The following CRIP2 variants were observed in gnomAD, a reference collection of about 807,000 sequenced individuals.
CRIP2 encodes cysteine-rich protein 2.
In CRIP2, 31 loss-of-function variants were observed where a neutral mutation model predicts 31.3. The ratio of observed to expected loss-of-function variants is 0.99; its 90% CI spans 0.74 to 1.34. CRIP2 has a LOEUF of 1.34. CRIP2 is among the 40% of genes most tolerant of loss of function. The pLI is 0.00. For synonymous variants in CRIP2, 177 were observed against 127.2 expected (o/e 1.39, Z -2.63); for missense variants, 389 against 301.6 (o/e 1.29, Z -2.15).
Position 105,478,971 on chromosome 14 carries a change from C to A in CRIP2, c.338-8C>A, listed in dbSNP as rs1471139170. On this transcript the variant is annotated splice_region_variant and splice_polypyrimidine_tract_variant and intron_variant, in intron 4 of 7. Transcript: ENST00000329146. The surrounding 1 kb of genome is among the most constrained non-coding windows in gnomAD (Gnocchi z 4.9). ...GCCCCGCCCCGCCCTGACTCGTGCG[C>A]CCCACAGCCTCCAGTGTCACCACTT... is the stretch of plus-strand genomic sequence containing the variant. 4 of 1,562,042 alleles carry A rather than the reference C, an allele frequency of 2.6e-6. No individual in the cohort carries two copies. The African/African-American group carries it at 5.4e-5, about 21-fold the overall frequency.
chr14:105,478,724 C>A lies in CRIP2; in HGVS notation c.197-7C>A, dbSNP rs587674062. 4,637 of 1,434,226 alleles carry A rather than the reference C, an allele frequency of 3.2e-3. 18 individuals are homozygous for A. Among genetic ancestry groups the A allele is most frequent in the Non-Finnish European group, 3.3e-3 (3,642 of 1,098,574 alleles). The allele number at this position is 1,434,226 out of a possible 1,614,324, so 88.8% of individuals were successfully genotyped here. On this transcript the variant is annotated splice_region_variant and splice_polypyrimidine_tract_variant and intron_variant, in intron 3 of 7. Coordinates refer to ENST00000329146, the MANE Select transcript of CRIP2 (RefSeq NM_001312.4). The surrounding 1 kb of genome is among the most constrained non-coding windows in gnomAD (Gnocchi z 4.9). ...CGTACCCCCGCCCCACGTACCCCCA[C>A]CCGCAGGCGTGAACATCGGGGGCGC...
chr14:105,473,419 A>T (rs2083875083), upstream of CRIP2: 1 of 1,535,688 alleles, frequency 6.5e-7, no homozygotes, highest in African/African-American at 1.4e-5. Flanking sequence ...GTGCTGCCAC[A>T]GAGAGCCCAG....
upstream of CRIP2, chr14:105,473,015 C>T (rs1372688365): frequency 3.3e-6 from 2 of 606,728 alleles, no homozygotes; most frequent in Non-Finnish European, 5.8e-6. Context: ...TGTGTTCAGC[C>T]AGCCCTGTCC....
chr14:105,474,997 G>A lies in CRIP2; in HGVS notation c.43+92G>A, dbSNP rs587652277. The A allele has an allele frequency of 1.2e-5, 16 of 1,303,084 alleles. No homozygotes were observed. In the African/African-American group the frequency reaches 1.4e-4, roughly 11 times the overall value. 80.7% of individuals were successfully genotyped at this position (1,303,084 alleles called of 1,614,324 possible). ...GCAGAGCCGCGGCGTAACTCGGGGT[G>A]CGCCCGGCCCCGGCCCCGGACCGAG... On this transcript the variant is annotated intron_variant, in intron 1 of 7. Transcript: ENST00000329146. This position sits in a 1 kb window ranked among gnomAD's most constrained non-coding sequence, Gnocchi z 5.1.
At chr14:105,474,707 C>T, upstream of CRIP2, 1 of 973,500 alleles carries the variant, frequency 1.0e-6, no homozygotes, top group Non-Finnish European at 1.2e-6. The surrounding 1 kb of genome is among the most constrained non-coding windows in gnomAD (Gnocchi z 5.1). Context: ...GCGGCGCCCC[C>T]AGGCGGCCCC....
intron 7 of CRIP2, 34 bp downstream of exon 7, chr14:105,479,527 C>T: frequency 1.2e-6 from 2 of 1,612,762 alleles, no homozygotes; most frequent in African/African-American, 1.3e-5. Context: ...CGATGTCTTC[C>T]CTGCCCTCCC....
In CRIP2 at chr14:105,474,953, T is replaced by C; in HGVS notation, c.43+48T>C. 6.8e-7 allele frequency: 1 copy of C among 1,460,772 alleles called. No homozygotes were observed. The highest frequency in any genetic ancestry group is 9.1e-7 in the Non-Finnish European group (1 of 1,101,726). 90.5% of individuals were successfully genotyped at this position (1,460,772 alleles called of 1,614,324 possible). ...CCCGCTCGGTGCATCCCGCCGCCCT[T>C]CGCGGCCAGTCCCGCGCCGCAGAGC... On this transcript the variant is annotated intron_variant, in intron 1 of 7. Coordinates refer to ENST00000329146, the MANE Select transcript of CRIP2 (RefSeq NM_001312.4). The surrounding 1 kb of genome is among the most constrained non-coding windows in gnomAD (Gnocchi z 5.1).
intron 1 of CRIP2, chr14:105,477,240 G>C: frequency 1.0e-6 from 1 of 984,228 alleles, no homozygotes; most frequent in Non-Finnish European, 1.2e-6. Flanking sequence ...CCATCCACTG[G>C]GAAGCAGTCC....
chr14:105,476,826 G>C, intron 1 of CRIP2: 1 of 953,794 alleles, frequency 1.0e-6, no homozygotes, highest in Non-Finnish European at 1.2e-6. Flanking sequence ...TGGTGTCCTG[G>C]AGGCTGGCCC....
rs1555436857 is a variant in CRIP2 at position 105,479,449 on chromosome 14, C to T, written c.515C>T (p.Pro172Leu). The T allele has an allele frequency of 3.1e-6, 5 of 1,612,718 alleles. No individual in the cohort carries two copies. Among genetic ancestry groups the T allele is most frequent in the African/African-American group, 1.3e-5 (1 of 74,910 alleles). ...CTTCTGCCCCAGCACGACGGCCAGC[C>T]CTACTGCCACAAGCCCTGCTATGGA... ...PGGHAEHDGQ[P>L]YCHKPCYGIL... is the part of the protein sequence containing the mutation. Residue 172 changes from proline to leucine, a missense_variant, in exon 7 of 8, where the codon CCC (proline) becomes CTC (leucine). Physicochemically the swap from Pro to Leu is moderately conservative, Grantham distance 98. Transcript: ENST00000329146.
At chr14:105,474,776 G>T, upstream of CRIP2, 1 of 1,171,762 alleles carries the variant, frequency 8.5e-7, no homozygotes, top group East Asian at 4.3e-5. This position sits in a 1 kb window ranked among gnomAD's most constrained non-coding sequence, Gnocchi z 5.1. Flanking sequence ...TGGGCGCGCG[G>T]ACAGCCGGGC....
Position 105,478,125 on chromosome 14 carries a change from G to A in CRIP2, c.44-141G>A, listed in dbSNP as rs1265677754. 15 of 642,110 alleles carry A rather than the reference G, an allele frequency of 2.3e-5. No homozygotes were observed. The highest frequency in any genetic ancestry group is 6.1e-5 in the South Asian group (3 of 49,174). The allele number at this position is 642,110 out of a possible 1,614,324, so 39.8% of individuals were successfully genotyped here. ...GGTCTCAGAAGGAGGGGCAGGGCCC[G>A]CCAGGTGGAAGGAAGGCGCCTGGGA... On this transcript the variant is annotated intron_variant, in intron 1 of 7. Transcript: ENST00000329146. This position sits in a 1 kb window ranked among gnomAD's most constrained non-coding sequence, Gnocchi z 4.9.
Position 105,478,440 on chromosome 14 carries a change from C to A in CRIP2, c.139-10C>A. ...TCAGGCAGGGTCCTGACCCGCGCCC[C>A]TCTGCGCAGCATGACGGGAAGCCGT... On this transcript the variant is annotated splice_polypyrimidine_tract_variant and intron_variant, in intron 2 of 7. Transcript: ENST00000329146. This position sits in a 1 kb window ranked among gnomAD's most constrained non-coding sequence, Gnocchi z 4.9. 6.2e-7 allele frequency: 1 copy of A among 1,602,652 alleles called. No homozygotes were observed. Among genetic ancestry groups the A allele is most frequent in the East Asian group, 2.2e-5 (1 of 44,616 alleles).
At position 105,474,886 on chromosome 14, in the gene CRIP2, C is replaced by T. The variant is rs781854536; in HGVS notation, c.24C>T (p.Cys8=). Residue 8 remains cysteine, a synonymous_variant, in exon 1 of 8, where the codon TGC becomes TGT. Coordinates refer to ENST00000329146, the MANE Select transcript of CRIP2 (RefSeq NM_001312.4). This position sits in a 1 kb window ranked among gnomAD's most constrained non-coding sequence, Gnocchi z 5.1. MASKCPK[C]DKTVYFAEKV... is the part of the protein sequence containing the mutation. ...CCATGGCCTCCAAATGCCCCAAGTG[C>T]GACAAGACCGTGTACTTCGGTGAGT... The T allele has an allele frequency of 2.6e-6, 4 of 1,521,250 alleles. No individual in the cohort carries two copies. Among genetic ancestry groups the T allele is most frequent in the Non-Finnish European group, 3.5e-6 (4 of 1,134,908 alleles). The allele number at this position is 1,521,250 out of a possible 1,614,324, so 94.2% of individuals were successfully genotyped here. A position where few individuals can be genotyped will look rare whatever the true frequency, so the allele number is the denominator to read the frequency against.
rs587631406 is a variant in CRIP2 at position 105,475,942 on chromosome 14, G to A, written c.43+1037G>A. On this transcript the variant is annotated intron_variant, in intron 1 of 7. Coordinates refer to ENST00000329146, the MANE Select transcript of CRIP2 (RefSeq NM_001312.4). ...CAGAATGCGGCCAGGCTGCAGGGAA[G>A]GCCGCCACTGGGCTTCCCCGGCTCA... 4.3e-5 allele frequency: 42 copies of A among 985,570 alleles called. No homozygotes were observed. The African/African-American group carries it at 7.3e-4, about 17-fold the overall frequency. 61.1% of individuals were successfully genotyped at this position (985,570 alleles called of 1,614,324 possible). A position where few individuals can be genotyped will look rare whatever the true frequency, so the allele number is the denominator to read the frequency against.
rs782237184 is a variant in CRIP2, at chr14:105,479,230, T to G, written c.501+11T>G. ...GGCGGGCACGCGGAGGTGAGGGGAG[T>G]GCAACGGGGCTTGGGGGCCGGGCAG... On this transcript the variant is annotated intron_variant, in intron 6 of 7. Transcript: ENST00000329146. The G allele has an allele frequency of 1.2e-6, 2 of 1,601,586 alleles. No individual in the cohort carries two copies. The highest frequency in any genetic ancestry group is 1.1e-5 in the South Asian group (1 of 90,324).
chr14:105,476,605 T>G, intron 1 of CRIP2: 1 of 985,454 alleles, frequency 1.0e-6, no homozygotes, highest in Non-Finnish European at 1.2e-6. Context: ...TGCCCCCACT[T>G]GGCCCACGTC....
In CRIP2 at chr14:105,478,779, C is replaced by A. The variant is rs913183069; in HGVS notation, c.245C>A (p.Ala82Glu). The A allele has an allele frequency of 1.4e-6, 2 of 1,432,552 alleles. No homozygotes were observed. Among genetic ancestry groups the A allele is most frequent in the South Asian group, 1.5e-5 (1 of 67,382 alleles). The allele number at this position is 1,432,552 out of a possible 1,614,324, so 88.7% of individuals were successfully genotyped here. The stretch of plus-strand genomic sequence containing the variant: ...TCCTACATCTACGAGAAGCCCCTGG[C>A]GGAGGGGCCGCAGGTCACCGGCCCC... ...AGSYIYEKPLAEGPQVTGPIE... is the reference protein window; with the variant it reads ...AGSYIYEKPLEEGPQVTGPIE... Residue 82 changes from alanine to glutamate, a missense_variant, in exon 4 of 8, where the codon GCG becomes GAG. Coordinates refer to ENST00000329146, the MANE Select transcript of CRIP2 (RefSeq NM_001312.4). This position sits in a 1 kb window ranked among gnomAD's most constrained non-coding sequence, Gnocchi z 4.9.
At chr14:105,477,322 C>T in intron 1 of CRIP2, 1 of 985,506 alleles carries the variant, frequency 1.0e-6, no homozygotes, top group Non-Finnish European at 1.2e-6. Flanking sequence ...CTCAGATCTT[C>T]CATGCCAGTG....
Sources: gnomAD v4.1 joint callset for allele counts on GRCh38, gnomAD v4.1.1 for gene constraint, Gnocchi (gnomAD v3.1) non-coding constraint, MANE v1.5 for transcripts, NCBI Gene and HGNC (gene_info 2026-07-23, HGNC 2026-07-21) for gene names.